PRDM2: variants seen among roughly 807,000 people sequenced by gnomAD.
The protein encoded by PRDM2 is PR domain zinc finger protein 2.
PRDM2 carries 30 observed loss-of-function variants against 130.0 expected under a neutral mutation model. That is an observed-to-expected ratio of 0.23 (90% confidence interval 0.17 to 0.31). The LOEUF (loss-of-function observed/expected upper bound fraction) is 0.31, where lower values mean the gene tolerates loss of function less well. Among genes scored for constraint, PRDM2 ranks in the 10% least tolerant of loss-of-function variants. PRDM2 has a pLI of 1.00. For synonymous variants in PRDM2, 871 were observed against 782.4 expected, an observed-to-expected ratio of 1.11 and a Z score of -1.89; for missense variants, 2,011 against 2,108.4, an observed-to-expected ratio of 0.95 and a Z score of 0.90.
At chr1:13,716,686 C>T (rs1444241424) in intron 2 of PRDM2, among the ~76,000 whole-genome samples, 1 of 152,080 alleles carries the variant, frequency 6.6e-6, no homozygotes, top group Non-Finnish European at 1.5e-5. Context: ...TAAGTAGAGC[C>T]AGTTATGTGG....
chr1:13,793,526 A>G (rs527949741), intron 8 of PRDM2, among the ~76,000 whole-genome samples: 18 of 152,370 alleles, frequency 1.2e-4, no homozygotes, highest in Non-Finnish European at 1.9e-4. Context: ...AAAAGCCCTG[A>G]AAGAGAAAAA....
At chr1:13,774,674 C>G (rs16852937) in intron 7 of PRDM2, among the ~76,000 whole-genome samples, 21,240 of 152,104 alleles carry the variant, frequency 0.14, 1,585 homozygotes, top group Admixed American at 0.24. Context: ...ACATCAGGTC[C>G]CATGAAAAAT....
At chr1:13,821,275 GTAT>G (rs1005719497) in intron 9 of PRDM2, among the ~76,000 whole-genome samples, 1 of 151,532 alleles carries the variant, frequency 6.6e-6, no homozygotes, top group Non-Finnish European at 1.5e-5. Flanking sequence ...TAAACAACTG[GTAT>G]TATTATTATT....
At chr1:13,759,631 C>T (rs1051192234) in intron 6 of PRDM2, among the ~76,000 whole-genome samples, 1 of 152,078 alleles carries the variant, frequency 6.6e-6, no homozygotes, top group Non-Finnish European at 1.5e-5. Context: ...TTTGCCATGA[C>T]GATGTTAATG....
intron 6 of PRDM2, among the ~76,000 whole-genome samples, chr1:13,754,801 C>G (rs1643910251): frequency 1.3e-5 from 2 of 152,180 alleles, no homozygotes; most frequent in African/African-American, 4.8e-5. Flanking sequence ...GGGCACTGGC[C>G]TGTGGTTCCT....
In PRDM2 at chr1:13,762,051, G is replaced by A. The variant is rs535421014; in HGVS notation, c.512-11027G>A. ...ATGCCGACAATTTAGATTTGTAGGC[G>A]TGCACTTTCTGTAATTTGTTTAGTA... On this transcript the variant is annotated intron_variant, in intron 6 of 9. Coordinates refer to ENST00000311066, the MANE Select transcript of PRDM2 (RefSeq NM_001393986.1). Among the ~76,000 whole-genome samples the A allele has an allele frequency of 9.8e-5, 15 of 152,328 alleles. No homozygotes were observed. In the South Asian group the frequency reaches 3.1e-3, roughly 32 times the overall value.
chr1:13,736,743 A>C (rs779224407), intron 4 of PRDM2, among the ~76,000 whole-genome samples: 17 of 151,910 alleles, frequency 1.1e-4, no homozygotes, highest in Non-Finnish European at 2.4e-4. Flanking sequence ...GTTTCTTGCC[A>C]GCCTTTTAAA....
chr1:13,747,769 C>CAAAAAAAA (rs78988090), intron 5 of PRDM2, among the ~76,000 whole-genome samples: 4 of 48,388 alleles, frequency 8.3e-5, no homozygotes, highest in African/African-American at 1.4e-4. Context: ...TCCCTCCCCG[C>CAAAAAAAA]AAAAAAAAAA....
intron 1 of PRDM2, among the ~76,000 whole-genome samples, chr1:13,702,175 C>CAT (rs1009906268): frequency 7.9e-5 from 12 of 151,960 alleles, no homozygotes; most frequent in East Asian, 3.9e-4. Flanking sequence ...AGTTCATTCA[C>CAT]ATATATATAT....
intron 8 of PRDM2, among the ~76,000 whole-genome samples, chr1:13,793,058 T>C (rs1032900970): frequency 6.6e-6 from 1 of 152,230 alleles, no homozygotes; most frequent in Non-Finnish European, 1.5e-5. Flanking sequence ...AATGAGATGC[T>C]GATGGCCAGA....
rs991577704 is a variant in PRDM2, at chr1:13,742,215, T to G, written c.384+58T>G. The G allele has an allele frequency of 2.1e-5, 32 of 1,555,048 alleles. No individual in the cohort carries two copies. The African/African-American group carries it at 4.2e-4, about 21-fold the overall frequency. ...ACGCTGCTTGTGTTTTCCTTTTTCT[T>G]TTTTTGAGACGGTCTCATTCTGTCT... On this transcript the variant is annotated intron_variant, in intron 5 of 9. Coordinates refer to ENST00000311066, the MANE Select transcript of PRDM2 (RefSeq NM_001393986.1).
intron 4 of PRDM2, 96 bp downstream of exon 4, chr1:13,732,978 T>G (rs1305019230): frequency 3.4e-6 from 3 of 879,614 alleles, no homozygotes; most frequent in Non-Finnish European, 5.2e-6. Context: ...AACAATCATT[T>G]TAATGTGTTC....
intron 4 of PRDM2, among the ~76,000 whole-genome samples, chr1:13,740,252 T>G (rs1643397611): frequency 6.6e-6 from 1 of 152,242 alleles, no homozygotes; most frequent in South Asian, 2.1e-4. Context: ...AGCTACCTTG[T>G]GAACTGTGTG....
rs61747667 is a variant in PRDM2 at position 13,778,554 on chromosome 1, C to T, written c.759C>T (p.Asp253=). The T allele has an allele frequency of 1.1e-3, 1,727 of 1,613,766 alleles. 1 individual carries two copies. The highest frequency in any genetic ancestry group is 1.1e-3 in the Non-Finnish European group (1,343 of 1,179,990). The change falls in exon 8 of 10, where the codon GAC becomes GAT. Residue 253 remains aspartate (D), a synonymous_variant. Coordinates refer to ENST00000311066, the MANE Select transcript of PRDM2 (RefSeq NM_001393986.1). The part of the protein sequence containing the change: ...APAWEPQPEP[D]ERLEAAACEV... ...CCTGGGAGCCACAGCCAGAACCAGA[C>T]GAGCGATTAGAAGCGGCAGCTTGTG...
At chr1:13,819,452 A>C (rs916204765) in intron 9 of PRDM2, among the ~76,000 whole-genome samples, 2 of 152,188 alleles carry the variant, frequency 1.3e-5, no homozygotes, top group African/African-American at 4.8e-5. Flanking sequence ...GAAGGCTCCA[A>C]ACTCAGCAGT....
At chr1:13,764,992 A>C (rs1317069705) in intron 6 of PRDM2, among the ~76,000 whole-genome samples, 1 of 152,246 alleles carries the variant, frequency 6.6e-6, no homozygotes, top group East Asian at 1.9e-4. Context: ...ACTATAGAAA[A>C]TGCATGGCAT....
At chr1:13,750,485 A>G (rs928834425) in intron 6 of PRDM2, among the ~76,000 whole-genome samples, 3 of 152,084 alleles carry the variant, frequency 2.0e-5, no homozygotes, top group Non-Finnish European at 4.4e-5. Flanking sequence ...GAACATTGCA[A>G]AGTGAGTTGT....
In PRDM2 at chr1:13,787,257, C is replaced by G. The variant is rs181153561; in HGVS notation, c.5036+4426C>G. 3.1e-6 allele frequency: 3 copies of G among 983,512 alleles called. No homozygotes were observed. The African/African-American group carries it at 5.2e-5, about 17-fold the overall frequency. 60.9% of individuals were successfully genotyped at this position (983,512 alleles called of 1,614,324 possible). ...GACTATGTAGCAATATATCAGTGCA[C>G]AGGCGCATCCCAGGCCTGTACAGAT... On this transcript the variant is annotated intron_variant, in intron 8 of 9. Coordinates refer to ENST00000311066, the MANE Select transcript of PRDM2 (RefSeq NM_001393986.1).
At chr1:13,703,621 G>A (rs894991722) in intron 1 of PRDM2, among the ~76,000 whole-genome samples, 1 of 152,188 alleles carries the variant, frequency 6.6e-6, no homozygotes, top group Non-Finnish European at 1.5e-5. Context: ...GAGGTATCCT[G>A]GAGATCATAA....
Sources: allele counts gnomAD v4.1 joint callset (sites outside exome capture counted in the v4.1 genomes callset), GRCh38; gene constraint gnomAD v4.1.1; transcripts MANE v1.5; gene names NCBI Gene and HGNC (gene_info 2026-07-23, HGNC 2026-07-21).